GMDS: variants seen among roughly 807,000 people sequenced by gnomAD.
The protein encoded by GMDS is GDP-mannose 4,6-dehydratase.
Under a neutral mutation model 49.9 loss-of-function variants are expected in GMDS, and 20 were observed. That is an observed-to-expected ratio of 0.40 (90% CI 0.28 to 0.58). GMDS has a LOEUF of 0.58. GMDS is among the 20% of genes least tolerant of loss of function. The probability of loss-of-function intolerance (pLI) is 0.42; values close to 1 mark genes in which losing one functional copy is unlikely to be tolerated. For missense variants in GMDS, 362 were observed against 481.4 expected (o/e 0.75, Z 2.32); for synonymous variants, 177 against 178.6 (o/e 0.99, Z 0.07).
intron 1 of GMDS, among the ~76,000 whole-genome samples, chr6:2,171,092 T>C (rs1355632487): frequency 6.6e-6 from 1 of 152,192 alleles, no homozygotes; most frequent in African/African-American, 2.4e-5. Flanking sequence ...GTACCAAAAA[T>C]TGCAAATACA....
chr6:1,806,312 T>G (rs1416701127), intron 7 of GMDS, among the ~76,000 whole-genome samples: 1 of 152,050 alleles, frequency 6.6e-6, no homozygotes. Flanking sequence ...GAAAACTCGG[T>G]TTTGGATTAG....
At chr6:2,153,075 T>A (rs1401036164) in intron 1 of GMDS, among the ~76,000 whole-genome samples, 1 of 151,864 alleles carries the variant, frequency 6.6e-6, no homozygotes, top group African/African-American at 2.4e-5. Context: ...AATAAATAAA[T>A]AAAAAAGACA....
intron 4 of GMDS, among the ~76,000 whole-genome samples, chr6:2,063,818 T>C (rs1419736781): frequency 6.6e-6 from 1 of 152,250 alleles, no homozygotes; most frequent in Non-Finnish European, 1.5e-5. Context: ...AAAGTCACTT[T>C]TGTTGCATGT....
intron 7 of GMDS, among the ~76,000 whole-genome samples, chr6:1,784,288 A>G (rs554149895): frequency 6.9e-5 from 10 of 145,136 alleles, no homozygotes; most frequent in African/African-American, 2.6e-4. Context: ...GCTACTCAGG[A>G]GGCTGAGGCA....
intron 7 of GMDS, among the ~76,000 whole-genome samples, chr6:1,787,010 C>G (rs1381067525): frequency 6.6e-6 from 1 of 152,184 alleles, no homozygotes; most frequent in Non-Finnish European, 1.5e-5. Flanking sequence ...GCAAGCTCAG[C>G]CCCGCAGCCA....
chr6:1,810,593 GT>G (rs1250888792), intron 7 of GMDS, among the ~76,000 whole-genome samples: 1 of 152,104 alleles, frequency 6.6e-6, no homozygotes, highest in Non-Finnish European at 1.5e-5. Context: ...GAAAGGAGCA[GT>G]TTTATGGCAG....
intron 9 of GMDS, among the ~76,000 whole-genome samples, chr6:1,704,209 G>A (rs776341052): frequency 3.2e-4 from 49 of 151,822 alleles, no homozygotes; most frequent in Middle Eastern, 3.4e-3. Context: ...GCTGCTGGCT[G>A]TAAATGTAAC....
chr6:1,627,673 A>C (rs1762884257), intron 9 of GMDS, among the ~76,000 whole-genome samples: 1 of 152,202 alleles, frequency 6.6e-6, no homozygotes. Flanking sequence ...ATATGCTTAC[A>C]GCCTTAGTAT....
chr6:2,093,242 C>T (rs879695932), intron 4 of GMDS, among the ~76,000 whole-genome samples: 3 of 152,124 alleles, frequency 2.0e-5, no homozygotes, highest in Admixed American at 6.5e-5. Flanking sequence ...AACAGGTCTA[C>T]AAGACCATGA....
chr6:2,166,653 A>C (rs1581738452), intron 1 of GMDS, among the ~76,000 whole-genome samples: 1 of 152,356 alleles, frequency 6.6e-6, no homozygotes, highest in Non-Finnish European at 1.5e-5. Context: ...AAGATTTTAA[A>C]ATAATGTTCC....
At chr6:1,779,948 G>A (rs13218258) in intron 7 of GMDS, among the ~76,000 whole-genome samples, 12,478 of 152,184 alleles carry the variant, frequency 0.082, 731 homozygotes, top group East Asian at 0.24. Context: ...ATCCTGCCTC[G>A]GTTGGCTGAA....
chr6:1,945,234 C>T (rs1763023749), intron 6 of GMDS, among the ~76,000 whole-genome samples: 1 of 151,914 alleles, frequency 6.6e-6, no homozygotes, highest in African/African-American at 2.4e-5. Context: ...CTGCTTGAAT[C>T]ATATCTATAA....
intron 4 of GMDS, among the ~76,000 whole-genome samples, chr6:2,060,379 A>C (rs1056672998): frequency 6.6e-6 from 1 of 152,202 alleles, no homozygotes; most frequent in Non-Finnish European, 1.5e-5. Flanking sequence ...TTTATTTTAA[A>C]GTTCTTGAAA....
intron 1 of GMDS, among the ~76,000 whole-genome samples, chr6:2,215,705 G>T (rs978494796): frequency 2.0e-5 from 3 of 151,270 alleles, no homozygotes; most frequent in East Asian, 3.9e-4. Context: ...GGGAAAGGAG[G>T]TAATTAAAGA....
At chr6:2,222,562 C>A (rs1780641317) in intron 1 of GMDS, among the ~76,000 whole-genome samples, 1 of 152,194 alleles carries the variant, frequency 6.6e-6, no homozygotes, top group Non-Finnish European at 1.5e-5. Context: ...AGAATACTCA[C>A]AGCAAAGGGG....
At chr6:2,040,138 A>T (rs1769581619) in intron 4 of GMDS, among the ~76,000 whole-genome samples, 2 of 152,178 alleles carry the variant, frequency 1.3e-5, no homozygotes, top group South Asian at 4.2e-4. Context: ...CTCTAAGCCC[A>T]ATGGCTCCTC....
At chr6:1,900,122 C>T (rs1721198424) in intron 7 of GMDS, among the ~76,000 whole-genome samples, 1 of 152,190 alleles carries the variant, frequency 6.6e-6, no homozygotes. Context: ...GAAAGTCAAG[C>T]TTGGAGGAGC....
intron 1 of GMDS, among the ~76,000 whole-genome samples, chr6:2,186,448 A>G (rs1051651745): frequency 1.3e-5 from 2 of 152,240 alleles, no homozygotes; most frequent in Non-Finnish European, 2.9e-5. Flanking sequence ...TTCCATTAAT[A>G]CACTTGAATA....
rs752945749 is a variant in GMDS at position 1,759,083 on chromosome 6, C to T, written c.772-16497G>A. Among the ~76,000 whole-genome samples, 121 of 152,080 alleles carry T rather than the reference C, an allele frequency of 8.0e-4. 1 individual carries two copies. Among genetic ancestry groups the T allele is most frequent in the African/African-American group, 2.7e-3 (113 of 41,400 alleles). On this transcript the variant is annotated intron_variant, in intron 7 of 10. Coordinates refer to ENST00000380815, the MANE Select transcript of GMDS (RefSeq NM_001500.4). ...GACTACAGGTGTGCGCCACCACGCCCGGCTAATTTTTTCATCAGGATGATG... is the reference window on the plus strand; with the variant it reads ...GACTACAGGTGTGCGCCACCACGCCTGGCTAATTTTTTCATCAGGATGATG...
Sources: allele counts gnomAD v4.1 joint callset (sites outside exome capture counted in the v4.1 genomes callset), GRCh38; gene constraint gnomAD v4.1.1; transcripts MANE v1.5; gene names NCBI Gene and HGNC (gene_info 2026-07-23, HGNC 2026-07-21).